PTPRD: variants seen among roughly 807,000 people sequenced by gnomAD.
The protein encoded by PTPRD is receptor-type tyrosine-protein phosphatase delta.
Under a neutral mutation model 214.5 loss-of-function variants are expected in PTPRD, and 34 were observed. The ratio of observed to expected loss-of-function variants is 0.16; its 90% confidence interval spans 0.12 to 0.21. The LOEUF is 0.21. Among genes scored for constraint, PTPRD ranks in the 10% least tolerant of loss-of-function variants. PTPRD has a pLI of 1.00. For synonymous variants in PTPRD, 1,128 were observed against 845.7 expected (o/e 1.33, Z -5.79); for missense variants, 2,545 against 2,398.7 (o/e 1.06, Z -1.27).
intron 9 of PTPRD, among the ~76,000 whole-genome samples, chr9:9,212,922 T>C (rs1171924590): frequency 6.6e-6 from 1 of 152,166 alleles, no homozygotes; most frequent in African/African-American, 2.4e-5. Context: ...GTGCCTTTGG[T>C]TTATCACTGT....
At chr9:9,928,497 G>A (rs899017863) in intron 5 of PTPRD, among the ~76,000 whole-genome samples, 4 of 151,974 alleles carry the variant, frequency 2.6e-5, no homozygotes, top group African/African-American at 9.7e-5. Flanking sequence ...AATTTTCTTT[G>A]CAAATATGTA....
chr9:9,134,580 T>C (rs1359139003), intron 10 of PTPRD, among the ~76,000 whole-genome samples: 3 of 152,310 alleles, frequency 2.0e-5, no homozygotes, highest in African/African-American at 7.2e-5. Context: ...ATTCAGTGAT[T>C]TTCCAAATTA....
At chr9:9,833,365 G>C (rs911496860) in intron 5 of PTPRD, among the ~76,000 whole-genome samples, 3 of 151,942 alleles carry the variant, frequency 2.0e-5, no homozygotes, top group African/African-American at 7.3e-5. Context: ...AGTTTCAAAA[G>C]GGGAGGGAGT....
chr9:8,353,877 T>C (rs1007248345), intron 39 of PTPRD, among the ~76,000 whole-genome samples: 3 of 145,782 alleles, frequency 2.1e-5, no homozygotes. Flanking sequence ...TATATATGTA[T>C]ATATGTGTAT....
At chr9:9,642,377 G>T (rs1373061773) in intron 7 of PTPRD, among the ~76,000 whole-genome samples, 2 of 151,114 alleles carry the variant, frequency 1.3e-5, no homozygotes, top group African/African-American at 4.9e-5. Flanking sequence ...TAACTAACCT[G>T]CACAATGTGC....
At chr9:8,932,229 T>C (rs2098957915) in intron 11 of PTPRD, among the ~76,000 whole-genome samples, 1 of 152,182 alleles carries the variant, frequency 6.6e-6, no homozygotes, top group East Asian at 1.9e-4. Flanking sequence ...CTTGCCTCTC[T>C]AGTTCTTTTA....
At chr9:9,462,975 A>G (rs2093797971) in intron 8 of PTPRD, among the ~76,000 whole-genome samples, 1 of 152,160 alleles carries the variant, frequency 6.6e-6, no homozygotes, top group East Asian at 1.9e-4. Context: ...TTCAGACACT[A>G]TGTTTTACTG....
intron 5 of PTPRD, among the ~76,000 whole-genome samples, chr9:9,857,501 G>T (rs915115181): frequency 3.9e-5 from 6 of 152,066 alleles, no homozygotes; most frequent in African/African-American, 1.4e-4. Context: ...GCCTAATAGA[G>T]TCACTCTCTG....
At chr9:9,318,640 A>G (rs1350851658) in intron 9 of PTPRD, among the ~76,000 whole-genome samples, 1 of 152,154 alleles carries the variant, frequency 6.6e-6, no homozygotes, top group Non-Finnish European at 1.5e-5. Flanking sequence ...CTTTATAAAC[A>G]CAGACTCAAA....
At chr9:10,243,973 C>G (rs1022336039) in intron 3 of PTPRD, among the ~76,000 whole-genome samples, 4 of 152,060 alleles carry the variant, frequency 2.6e-5, no homozygotes, top group East Asian at 3.9e-4. Context: ...AACCTCTTAA[C>G]AGCTTGTTCA....
chr9:8,340,806 A>G (rs1192345950), intron 41 of PTPRD, among the ~76,000 whole-genome samples: 1 of 152,156 alleles, frequency 6.6e-6, no homozygotes, highest in Non-Finnish European at 1.5e-5. Flanking sequence ...TTCTCACACA[A>G]TCTATTAAAT....
At chr9:10,404,441 A>T (rs543732945) in intron 2 of PTPRD, among the ~76,000 whole-genome samples, 19 of 151,798 alleles carry the variant, frequency 1.3e-4, no homozygotes, top group African/African-American at 4.6e-4. Context: ...TCTTATTTGT[A>T]TTATTTTAAA....
At chr9:9,840,234 T>G (rs1325490041) in intron 5 of PTPRD, among the ~76,000 whole-genome samples, 1 of 151,944 alleles carries the variant, frequency 6.6e-6, no homozygotes, top group Non-Finnish European at 1.5e-5. Flanking sequence ...GATGGGGTTT[T>G]AAACTCCTGG....
intron 9 of PTPRD, among the ~76,000 whole-genome samples, chr9:9,220,633 T>C (rs573266485): frequency 1.3e-5 from 2 of 152,186 alleles, no homozygotes; most frequent in African/African-American, 2.4e-5. Context: ...TATCCATTCA[T>C]TTGCATTTCG....
At position 10,253,753 on chromosome 9, in the gene PTPRD, T is replaced by C. The variant is rs976946557; in HGVS notation, c.-545+87210A>G. ...TACATTGATGAAAAAAATGATTTTT[T>C]AAAATATAGAGCTATATGTATATTG... On this transcript the variant is annotated intron_variant, in intron 3 of 45. Transcript: ENST00000381196. 2.0e-5 allele frequency among the ~76,000 whole-genome samples: 3 copies of C among 152,194 alleles called. No homozygotes were observed. The South Asian group carries it at 6.2e-4, about 31-fold the overall frequency.
intron 3 of PTPRD, among the ~76,000 whole-genome samples, chr9:10,319,629 C>T (rs78766005): frequency 2.0e-5 from 3 of 151,680 alleles, no homozygotes; most frequent in South Asian, 2.1e-4. Flanking sequence ...TTTTAAATAA[C>T]GGAATGGATA....
rs962937750 is a variant in PTPRD, at chr9:8,837,659, G to T, written c.-103-103713C>A. ...TTACAGGTGCATACCACCATGCCTC[G>T]CTAAACTTTTATTTTTATTTTTTGT... On this transcript the variant is annotated intron_variant, in intron 11 of 45. Transcript: ENST00000381196. 2.0e-5 allele frequency among the ~76,000 whole-genome samples: 3 copies of T among 151,832 alleles called. No individual in the cohort carries two copies. In the East Asian group the frequency reaches 5.8e-4, roughly 30 times the overall value.
Position 9,205,302 on chromosome 9 carries a change from CAT to C in PTPRD, c.-202-21941_-202-21940del, listed in dbSNP as rs527887286. Among the ~76,000 whole-genome samples, 425 of 152,216 alleles carry C rather than the reference CAT, an allele frequency of 2.8e-3. 2 individuals are homozygous for C. Among genetic ancestry groups the C allele is most frequent in the African/African-American group, 9.6e-3 (398 of 41,544 alleles). ...CTTAAACCAGTGTCTTTTGTCTAAT[CAT>C]ATAATACTGTAAATATGAACTAAGT... is the stretch of plus-strand genomic sequence containing the variant. On this transcript the variant is annotated intron_variant, in intron 9 of 45. Coordinates refer to ENST00000381196, the MANE Select transcript of PTPRD (RefSeq NM_002839.4).
At chr9:8,330,495 G>A (rs1234226020) in intron 44 of PTPRD, among the ~76,000 whole-genome samples, 1 of 152,178 alleles carries the variant, frequency 6.6e-6, no homozygotes, top group East Asian at 1.9e-4. Flanking sequence ...AGGTATGCCT[G>A]TATTTGATTC....
Sources: gnomAD v4.1 joint callset for allele counts (sites outside exome capture counted in the v4.1 genomes callset) on GRCh38, gnomAD v4.1.1 for gene constraint, MANE v1.5 for transcripts, NCBI Gene and HGNC (gene_info 2026-07-23, HGNC 2026-07-21) for gene names.